Variants in CLEC17A observed in about 807,000 individuals in gnomAD.
CLEC17A encodes C-type lectin domain containing 17A.
A neutral mutation model predicts 61.3 loss-of-function variants in CLEC17A; 37 were observed. The observed-to-expected ratio is 0.60, with a 90% confidence interval of 0.46 to 0.79. The LOEUF is 0.79. CLEC17A is among the 30% of genes least tolerant of loss of function. The pLI is 0.00. For missense variants in CLEC17A, 418 were observed against 464.7 expected, an observed-to-expected ratio of 0.90 and a Z score of 0.92; for synonymous variants, 168 against 164.9, an observed-to-expected ratio of 1.02 and a Z score of -0.14.
chr19:14,600,587 C>A (rs1390838804), intron 12 of CLEC17A, among the ~76,000 whole-genome samples: 1 of 145,344 alleles, frequency 6.9e-6, no homozygotes, highest in Non-Finnish European at 1.5e-5. Context: ...CTTTTCTTTT[C>A]TTTTTTTTTT....
At chr19:14,592,408 T>C (rs775517628) in intron 4 of CLEC17A, 50 bp downstream of exon 4, 4 of 1,609,504 alleles carry the variant, frequency 2.5e-6, no homozygotes, top group Admixed American at 3.4e-5. Context: ...GGAACAGGGT[T>C]TCCAGGAGGC....
intron 10 of CLEC17A, 140 bp downstream of exon 10, chr19:14,597,301 T>C: frequency 1.4e-6 from 1 of 739,676 alleles, no homozygotes; most frequent in Non-Finnish European, 2.3e-6. Flanking sequence ...GGTAAACATG[T>C]CAGACACAGT....
At chr19:14,594,147 G>T (rs550764251) in intron 4 of CLEC17A, among the ~76,000 whole-genome samples, 1 of 152,172 alleles carries the variant, frequency 6.6e-6, no homozygotes, top group African/African-American at 2.4e-5. Context: ...GCTGGGCGTG[G>T]TAGCATACGC....
At chr19:14,600,296 T>A in intron 12 of CLEC17A, 114 bp downstream of exon 12, 1 of 1,283,206 alleles carries the variant, frequency 7.8e-7, no homozygotes, top group Non-Finnish European at 1.1e-6. Flanking sequence ...ACTTTTCAGT[T>A]ACTAAAACTT....
chr19:14,598,586 G>A (rs541789621), intron 10 of CLEC17A, among the ~76,000 whole-genome samples: 19 of 151,970 alleles, frequency 1.3e-4, no homozygotes, highest in Admixed American at 4.6e-4. Context: ...TGATTGTCCT[G>A]CCTCAGCCTC....
intron 2 of CLEC17A, among the ~76,000 whole-genome samples, chr19:14,586,329 G>A (rs1226606460): frequency 6.6e-6 from 1 of 152,058 alleles, no homozygotes; most frequent in East Asian, 1.9e-4. Context: ...TCTCCATGTT[G>A]GTCAGGCTGG....
At position 14,595,275 on chromosome 19, in the gene CLEC17A, T is replaced by C. The variant is rs768208134; in HGVS notation, c.405T>C (p.Ala135=). ...AACCTCTCTCCCCCTTTCTCCCAGCTGTGAATCTTGAGCCTTCTCCATTGC... is the reference window on the plus strand; with the variant it reads ...AACCTCTCTCCCCCTTTCTCCCAGCCGTGAATCTTGAGCCTTCTCCATTGC... ...AAVTCPPPQL[A]VNLEPSPLQP... Residue 135 remains alanine (A), a splice_region_variant and synonymous_variant, in exon 8 of 14, where the codon GCT becomes GCC. Coordinates refer to ENST00000417570, the MANE Select transcript of CLEC17A (RefSeq NM_001204118.2). The C allele has an allele frequency of 1.2e-6, 2 of 1,613,846 alleles. No individual in the cohort carries two copies. The highest frequency in any genetic ancestry group is 1.7e-6 in the Non-Finnish European group (2 of 1,179,846).
At chr19:14,587,769 G>C in intron 3 of CLEC17A, 78 bp downstream of exon 3, 1 of 1,589,370 alleles carries the variant, frequency 6.3e-7, no homozygotes, top group Non-Finnish European at 8.6e-7. Flanking sequence ...GGGCATTGTA[G>C]ACACACAGTC....
At chr19:14,582,820 C>A (rs1434498542), upstream of CLEC17A, among the ~76,000 whole-genome samples, 1 of 151,904 alleles carries the variant, frequency 6.6e-6, no homozygotes, top group Non-Finnish European at 1.5e-5. Flanking sequence ...GTTGGCCAAC[C>A]TGGTCTCGAA....
chr19:14,591,467 C>G (rs1420941088), intron 3 of CLEC17A, among the ~76,000 whole-genome samples: 1 of 148,856 alleles, frequency 6.7e-6, no homozygotes, highest in African/African-American at 2.5e-5. Context: ...TTTTTTGAGA[C>G]AGAATCTCAC....
At chr19:14,600,555 T>C (rs1281573285) in intron 12 of CLEC17A, among the ~76,000 whole-genome samples, 1 of 152,112 alleles carries the variant, frequency 6.6e-6, no homozygotes, top group Non-Finnish European at 1.5e-5. Flanking sequence ...TACATTAGTA[T>C]GCCAGTCGGA....
At chr19:14,584,937 C>T (rs549754184) in intron 2 of CLEC17A, among the ~76,000 whole-genome samples, 7 of 152,244 alleles carry the variant, frequency 4.6e-5, no homozygotes, top group African/African-American at 1.7e-4. Flanking sequence ...TTACCCACAT[C>T]CATCCCTGTC....
intron 12 of CLEC17A, among the ~76,000 whole-genome samples, chr19:14,604,110 G>A (rs2074792942): frequency 6.6e-6 from 1 of 152,150 alleles, no homozygotes; most frequent in Admixed American, 6.6e-5. Context: ...AAGACACTGT[G>A]AGGCCTTCTA....
chr19:14,597,682 T>A (rs547448973), intron 10 of CLEC17A, among the ~76,000 whole-genome samples: 1 of 152,324 alleles, frequency 6.6e-6, no homozygotes, highest in East Asian at 1.9e-4. Flanking sequence ...AGGTTGATCA[T>A]GAGCCATGAT....
intron 2 of CLEC17A, 90 bp downstream of exon 2, chr19:14,583,524 G>A (rs1167513407): frequency 4.4e-6 from 7 of 1,576,064 alleles, no homozygotes; most frequent in Non-Finnish European, 6.0e-6. Flanking sequence ...CACATAGTCA[G>A]TCTCCTCTGT....
chr19:14,590,386 C>G (rs1448556428), intron 3 of CLEC17A, among the ~76,000 whole-genome samples: 2 of 142,930 alleles, frequency 1.4e-5, no homozygotes, highest in Non-Finnish European at 3.1e-5. Context: ...AATTTCTTTA[C>G]TTTTTTTTTT....
chr19:14,588,529 G>A (rs1219288637), intron 3 of CLEC17A: 1 of 152,024 alleles, frequency 6.6e-6, no homozygotes, highest in African/African-American at 2.4e-5. Flanking sequence ...GTTGCCTAAG[G>A]TGTCTGAGGA....
Position 14,610,941 on chromosome 19 carries a change from C to T in CLEC17A, c.*745C>T, listed in dbSNP as rs1334405464. ...CCTCCCAAAGTGCTGGGATTACAGG[C>T]ATGTGTCACCGTACCTGGCCGATAT... is the stretch of plus-strand genomic sequence containing the variant. On this transcript the variant is annotated 3_prime_UTR_variant, in exon 14 of 14. Transcript: ENST00000417570. 1 of 151,926 alleles carries T rather than the reference C, an allele frequency of 6.6e-6. No individual in the cohort carries two copies. Among genetic ancestry groups the T allele is most frequent in the Non-Finnish European group, 1.5e-5 (1 of 68,008 alleles). 9.4% of individuals were successfully genotyped at this position (151,926 alleles called of 1,614,324 possible).
chr19:14,587,000 T>C (rs1450835511), intron 2 of CLEC17A, among the ~76,000 whole-genome samples: 3 of 151,244 alleles, frequency 2.0e-5, no homozygotes, highest in Non-Finnish European at 4.4e-5. Flanking sequence ...GTGATTCACC[T>C]GCCTCAGCCT....
Sources: allele counts gnomAD v4.1 joint callset (sites outside exome capture counted in the v4.1 genomes callset), GRCh38; gene constraint gnomAD v4.1.1; transcripts MANE v1.5; gene names NCBI Gene and HGNC (gene_info 2026-07-23, HGNC 2026-07-21).